The following OR4D2 variants were observed in gnomAD, a reference collection of about 807,000 sequenced individuals.
The protein encoded by OR4D2 is olfactory receptor family 4 subfamily D member 2.
OR4D2 carries 9 observed loss-of-function variants against 12.4 expected under a neutral mutation model. The ratio of observed to expected loss-of-function variants is 0.73; its 90% CI spans 0.44 to 1.27. OR4D2 has a LOEUF of 1.27. OR4D2 is among the 50% of genes most tolerant of loss of function. The pLI is 0.00. For synonymous variants in OR4D2, 151 were observed against 151.1 expected (o/e 1.00, Z 0.01); for missense variants, 373 against 381.6 (o/e 0.98, Z 0.19).
At position 58,170,036 on chromosome 17, in the gene OR4D2, C is replaced by T. The variant is rs780903816; in HGVS notation, c.381C>T (p.Ser127=). The T allele has an allele frequency of 1.2e-6, 2 of 1,614,018 alleles. No individual in the cohort carries two copies. The highest frequency in any genetic ancestry group is 1.1e-5 in the South Asian group (1 of 91,076). The change falls in exon 2 of 2, where the codon TCC becomes TCT. Residue 127 remains serine (S), a synonymous_variant. Transcript: ENST00000545221. ...CCTTTGACCGCCTCATTGCCATCTC[C>T]CGGCCCCTCCGCTATGTCACCGTCA... ...VMAFDRLIAI[S]RPLRYVTVMN...
At chr17:58,167,467 T>C (rs1450211710) in intron 1 of OR4D2, among the ~76,000 whole-genome samples, 3 of 152,194 alleles carry the variant, frequency 2.0e-5, no homozygotes, top group Non-Finnish European at 4.4e-5. Context: ...TGAACAGCAA[T>C]CAGTTCCCAG....
intron 1 of OR4D2, among the ~76,000 whole-genome samples, chr17:58,167,432 G>A (rs767135156): frequency 1.3e-5 from 2 of 152,146 alleles, no homozygotes; most frequent in Admixed American, 1.3e-4. Flanking sequence ...GAAATATACT[G>A]CCTACATGGA....
In OR4D2 at chr17:58,170,040, C is replaced by A; in HGVS notation, c.385C>A (p.Pro129Thr). Residue 129 changes from proline to threonine, a missense_variant, in exon 2 of 2, where the codon CCC (proline) becomes ACC (threonine). Coordinates refer to ENST00000545221, the MANE Select transcript of OR4D2 (RefSeq NM_001004707.4). ...TGACCGCCTCATTGCCATCTCCCGG[C>A]CCCTCCGCTATGTCACCGTCATGAA... ...AFDRLIAISR[P>T]LRYVTVMNTQ... 1 of 1,614,130 alleles carries A rather than the reference C, an allele frequency of 6.2e-7. No individual in the cohort carries two copies. The highest frequency in any genetic ancestry group is 8.5e-7 in the Non-Finnish European group (1 of 1,180,030).
Position 58,170,663 on chromosome 17 carries a change from T to G in OR4D2, c.*84T>G. 1 of 1,087,510 alleles carries G rather than the reference T, an allele frequency of 9.2e-7. No homozygotes were observed. The highest frequency in any genetic ancestry group is 1.4e-6 in the Non-Finnish European group (1 of 705,286). 67.4% of individuals were successfully genotyped at this position (1,087,510 alleles called of 1,614,324 possible). ...GGAGCTACTACCTTTGCTCTCTTCA[T>G]AGTGTGTTGAGGTTCATCATAGCAG... On this transcript the variant is annotated 3_prime_UTR_variant, in exon 2 of 2. Transcript: ENST00000545221.
In OR4D2 at chr17:58,170,416, GC is replaced by G; in HGVS notation, c.762del (p.Ser254ArgfsTer25). ...IIVVSMIFVP[S>X]IYLYARPFTP... ...GTGGTTTCCATGATCTTCGTTCCAA[GC>G]ATTTACCTCTATGCCCGGCCCTTCA... On this transcript the variant is annotated frameshift_variant, in exon 2 of 2. Transcript: ENST00000545221. LOFTEE classifies it high-confidence loss of function. The G allele has an allele frequency of 6.2e-7, 1 of 1,614,176 alleles. No individual in the cohort carries two copies. Among genetic ancestry groups the G allele is most frequent in the Non-Finnish European group, 8.5e-7 (1 of 1,180,038 alleles).
intron 1 of OR4D2, 24 bp downstream of exon 1, chr17:58,167,077 G>A (rs759634669): frequency 6.6e-6 from 1 of 152,222 alleles, no homozygotes; most frequent in Admixed American, 6.5e-5. Flanking sequence ...CAAGATTCTC[G>A]ACATTGTCAC....
At chr17:58,167,999 CA>C (rs1165311786) in intron 1 of OR4D2, among the ~76,000 whole-genome samples, 114 of 39,198 alleles carry the variant, frequency 2.9e-3, no homozygotes, top group Admixed American at 8.6e-3. Flanking sequence ...GACTCCGTCA[CA>C]AAAAAAAAAA....
chr17:58,167,875 C>A (rs1180348931), intron 1 of OR4D2, among the ~76,000 whole-genome samples: 1 of 151,334 alleles, frequency 6.6e-6, no homozygotes, highest in African/African-American at 2.4e-5. Context: ...AGGTGGTGGG[C>A]GCCTGTAGTT....
At chr17:58,168,154 G>A (rs1967913515) in intron 1 of OR4D2, among the ~76,000 whole-genome samples, 1 of 151,020 alleles carries the variant, frequency 6.6e-6, no homozygotes, top group Admixed American at 6.6e-5. Flanking sequence ...CAGGGGGAGG[G>A]GGGAGACCAC....
At chr17:58,169,327 C>A (rs781411867) in intron 1 of OR4D2, 11 of 328,730 alleles carry the variant, frequency 3.3e-5, no homozygotes, top group South Asian at 1.5e-4. Flanking sequence ...GTAAGTTACT[C>A]ATGGTCAAAT....
intron 1 of OR4D2, among the ~76,000 whole-genome samples, chr17:58,167,482 C>T (rs1327686594): frequency 6.6e-6 from 1 of 152,130 alleles, no homozygotes; most frequent in Non-Finnish European, 1.5e-5. Flanking sequence ...TCCCAGGTGA[C>T]AGTGATACTG....
chr17:58,169,214 TTATATC>T (rs1967927726), intron 1 of OR4D2, among the ~76,000 whole-genome samples: 1 of 152,236 alleles, frequency 6.6e-6, no homozygotes, highest in African/African-American at 2.4e-5. Flanking sequence ...TTTAGGAACT[TTATATC>T]TATCATTCTA....
At chr17:58,168,361 G>T (rs768822192) in intron 1 of OR4D2, among the ~76,000 whole-genome samples, 6 of 152,052 alleles carry the variant, frequency 3.9e-5, no homozygotes, top group Non-Finnish European at 1.5e-5. Context: ...GTGCCACCAC[G>T]CCCGGCTAAT....
rs764147764 is a variant in OR4D2, at chr17:58,169,677, T to G, written c.22T>G (p.Trp8Gly). ...CACCATGGAAACAGGGAACCTCACG[T>G]GGGTATCAGACTTTGTCTTCCTGGG... METGNLT[W>G]VSDFVFLGLS... Residue 8 changes from tryptophan to glycine, a missense_variant, in exon 2 of 2, where the codon TGG becomes GGG. Physicochemically the swap from Trp to Gly is radical, Grantham distance 184. Transcript: ENST00000545221. The G allele has an allele frequency of 6.2e-7, 1 of 1,614,004 alleles. No homozygotes were observed. The highest frequency in any genetic ancestry group is 8.5e-7 in the Non-Finnish European group (1 of 1,179,840).
At position 58,170,945 on chromosome 17, in the gene OR4D2, G is replaced by A; in HGVS notation, c.*366G>A. The A allele has an allele frequency of 3.1e-6, 1 of 321,298 alleles. No homozygotes were observed. Among genetic ancestry groups the A allele is most frequent in the South Asian group, 2.7e-5 (1 of 37,452 alleles). The allele number at this position is 321,298 out of a possible 1,614,324, so 19.9% of individuals were successfully genotyped here. A position where few individuals can be genotyped will look rare whatever the true frequency, so the allele number is the denominator to read the frequency against. ...ATATTTCCTTTTGGTGTGAGTCTGG[G>A]TTGTTGGGAACAGCACAGAATTTGG... is the stretch of plus-strand genomic sequence containing the variant. On this transcript the variant is annotated 3_prime_UTR_variant, in exon 2 of 2. Coordinates refer to ENST00000545221, the MANE Select transcript of OR4D2 (RefSeq NM_001004707.4).
At position 58,170,175 on chromosome 17, in the gene OR4D2, T is replaced by G; in HGVS notation, c.520T>G (p.Leu174Val). 6.2e-7 allele frequency: 1 copy of G among 1,614,188 alleles called. No homozygotes were observed. The highest frequency in any genetic ancestry group is 8.5e-7 in the Non-Finnish European group (1 of 1,180,038). ...ACTGCCCTTCTGTGGCCCCAACATTTTGGATAACTTCTACTGTGATGTTCC... is the reference window on the plus strand; with the variant it reads ...ACTGCCCTTCTGTGGCCCCAACATTGTGGATAACTTCTACTGTGATGTTCC... ...LPLPFCGPNI[L>V]DNFYCDVPQV... is the part of the protein sequence containing the mutation. Residue 174 changes from leucine (L) to valine (V), a missense_variant, in exon 2 of 2, where the codon TTG (leucine) becomes GTG (valine). Physicochemically the swap from Leu to Val is conservative, Grantham distance 32. Coordinates refer to ENST00000545221, the MANE Select transcript of OR4D2 (RefSeq NM_001004707.4).
intron 1 of OR4D2, among the ~76,000 whole-genome samples, chr17:58,167,574 T>A (rs1292406761): frequency 6.6e-6 from 1 of 152,098 alleles, no homozygotes; most frequent in Non-Finnish European, 1.5e-5. Context: ...TGTAGGTATG[T>A]TTTTCCACCC....
chr17:58,168,882 CT>C (rs1339537984), intron 1 of OR4D2, among the ~76,000 whole-genome samples: 1 of 152,230 alleles, frequency 6.6e-6, no homozygotes, highest in Non-Finnish European at 1.5e-5. Flanking sequence ...CATCCAGTGT[CT>C]TCCTTGTGCT....
chr17:58,167,690 G>A (rs905269098), intron 1 of OR4D2, among the ~76,000 whole-genome samples: 1 of 152,162 alleles, frequency 6.6e-6, no homozygotes, highest in African/African-American at 2.4e-5. Flanking sequence ...ATCTGAGTCA[G>A]AGGGGTCTCA....
Sources: allele counts gnomAD v4.1 joint callset (sites outside exome capture counted in the v4.1 genomes callset), GRCh38; gene constraint gnomAD v4.1.1; transcripts MANE v1.5; gene names NCBI Gene and HGNC (gene_info 2026-07-23, HGNC 2026-07-21).